Variants in CLYBL observed in about 807,000 individuals in gnomAD.
CLYBL encodes citramalyl-CoA lyase, also known as citramalyl-CoA lyase, mitochondrial.
CLYBL carries 31 observed loss-of-function variants against 38.9 expected under a neutral mutation model. That is an observed-to-expected ratio of 0.80 (90% CI 0.60 to 1.08). The LOEUF (loss-of-function observed/expected upper bound fraction) is 1.08. Ranked by LOEUF, CLYBL falls within the 50% of genes least tolerant of loss-of-function variation. CLYBL has a pLI of 0.00. For missense variants in CLYBL, 434 were observed against 411.6 expected (o/e 1.05, Z -0.47); for synonymous variants, 171 against 158.6 (o/e 1.08, Z -0.59).
intron 1 of CLYBL, among the ~76,000 whole-genome samples, chr13:99,646,441 A>C (rs1192550342): frequency 2.0e-5 from 3 of 151,152 alleles, no homozygotes; most frequent in Admixed American, 6.6e-5. Context: ...GGCATCTTGC[A>C]TTTACAATGA....
At chr13:99,759,946 CT>C (rs2049135078) in intron 1 of CLYBL, among the ~76,000 whole-genome samples, 1 of 152,148 alleles carries the variant, frequency 6.6e-6, no homozygotes, top group South Asian at 2.1e-4. Context: ...CTTTTAAATG[CT>C]TTTATTGGCT....
intron 1 of CLYBL, among the ~76,000 whole-genome samples, chr13:99,653,598 A>T (rs1046613039): frequency 7.9e-5 from 12 of 152,226 alleles, no homozygotes; most frequent in African/African-American, 2.9e-4. Flanking sequence ...TTGGAAATTC[A>T]GACACACCAC....
At chr13:99,821,032 AT>A (rs1277581843) in intron 2 of CLYBL, among the ~76,000 whole-genome samples, 1 of 152,174 alleles carries the variant, frequency 6.6e-6, no homozygotes, top group Non-Finnish European at 1.5e-5. Context: ...TAATTAGGTG[AT>A]TTGTGTTTTA....
chr13:99,675,903 G>A (rs1296215521), intron 1 of CLYBL, among the ~76,000 whole-genome samples: 2 of 152,222 alleles, frequency 1.3e-5, no homozygotes, highest in Admixed American at 6.5e-5. Context: ...AATGGAATTA[G>A]AATGCAGTAG....
intron 6 of CLYBL, among the ~76,000 whole-genome samples, chr13:99,870,529 A>G (rs548871446): frequency 6.6e-6 from 1 of 152,340 alleles, no homozygotes; most frequent in Non-Finnish European, 1.5e-5. Context: ...AAGACACCTT[A>G]TAAAATTTGA....
intron 2 of CLYBL, among the ~76,000 whole-genome samples, chr13:99,854,450 G>A (rs912283947): frequency 2.6e-5 from 4 of 151,176 alleles, no homozygotes; most frequent in South Asian, 4.2e-4. Flanking sequence ...AATTGATGCC[G>A]CTCTAATCCC....
chr13:99,747,286 A>G (rs1427589348), intron 1 of CLYBL, among the ~76,000 whole-genome samples: 10 of 127,512 alleles, frequency 7.8e-5, no homozygotes, highest in Non-Finnish European at 9.3e-5. Flanking sequence ...CCACTTTCTT[A>G]TCCACCCCGG....
intron 7 of CLYBL, among the ~76,000 whole-genome samples, chr13:99,879,899 G>GGGT (rs1161775103): frequency 6.6e-6 from 1 of 151,892 alleles, no homozygotes; most frequent in Non-Finnish European, 1.5e-5. Context: ...GTGGTCATGG[G>GGGT]GCTGGTAATA....
chr13:99,770,931 A>C (rs1282218650), intron 1 of CLYBL, among the ~76,000 whole-genome samples: 1 of 149,448 alleles, frequency 6.7e-6, no homozygotes, highest in Non-Finnish European at 1.5e-5. Flanking sequence ...CATGTTGGCC[A>C]GGATAGTCTC....
chr13:99,777,684 G>T (rs570571166), intron 2 of CLYBL, among the ~76,000 whole-genome samples: 6 of 151,656 alleles, frequency 4.0e-5, no homozygotes, highest in Non-Finnish European at 7.4e-5. Context: ...GTAGAGACGG[G>T]GTTTCATCAT....
chr13:99,753,318 G>C (rs2048991288), intron 1 of CLYBL, among the ~76,000 whole-genome samples: 1 of 152,100 alleles, frequency 6.6e-6, no homozygotes, highest in Non-Finnish European at 1.5e-5. Context: ...ATCATGATTT[G>C]ATTTGTGTTT....
intron 1 of CLYBL, among the ~76,000 whole-genome samples, chr13:99,629,993 C>T (rs566044519): frequency 3.3e-5 from 5 of 152,228 alleles, no homozygotes; most frequent in South Asian, 2.1e-4. Context: ...GTTGTGTTGT[C>T]GAAGAGGCTC....
At chr13:99,759,119 T>A (rs983355754) in intron 1 of CLYBL, among the ~76,000 whole-genome samples, 1 of 152,268 alleles carries the variant, frequency 6.6e-6, no homozygotes, top group Non-Finnish European at 1.5e-5. Flanking sequence ...ATGTAAGTGC[T>A]GCCTTGTGTG....
intron 2 of CLYBL, among the ~76,000 whole-genome samples, chr13:99,793,585 A>G (rs2049962326): frequency 6.6e-6 from 1 of 152,222 alleles, no homozygotes; most frequent in South Asian, 2.1e-4. Flanking sequence ...TAAAAAATAA[A>G]TAAAAAACAA....
intron 2 of CLYBL, among the ~76,000 whole-genome samples, chr13:99,804,591 C>T (rs2050195503): frequency 6.6e-6 from 1 of 152,134 alleles, no homozygotes; most frequent in South Asian, 2.1e-4. Flanking sequence ...CTGTAGTCTT[C>T]CTGTCTCGCC....
chr13:99,726,133 C>T (rs570211035), intron 1 of CLYBL: 1 of 151,990 alleles, frequency 6.6e-6, no homozygotes, highest in Admixed American at 6.6e-5. Flanking sequence ...AGTTTAATAG[C>T]CAATCATAAG....
rs75434702 is a variant in CLYBL at position 99,758,624 on chromosome 13, C to T, written c.63-14200C>T. ...CACCAGCAGGAAGGGAGGAGGGAGG[C>T]GTGGTAAAGCCTTCCTTCTCCGGAA... On this transcript the variant is annotated intron_variant, in intron 1 of 8. Coordinates refer to ENST00000339105, the MANE Select transcript of CLYBL (RefSeq NM_206808.5). 3.9e-3 allele frequency among the ~76,000 whole-genome samples: 601 copies of T among 152,228 alleles called. 3 individuals are homozygous for T. The highest frequency in any genetic ancestry group is 0.014 in the African/African-American group (567 of 41,530).
chr13:99,748,433 T>G (rs1304968435), intron 1 of CLYBL, among the ~76,000 whole-genome samples: 2 of 122,010 alleles, frequency 1.6e-5, no homozygotes, highest in Non-Finnish European at 3.4e-5. Context: ...TTTTGTGTTT[T>G]TTTTTTTTTT....
chr13:99,890,491 A>T (rs1186241714), intron 7 of CLYBL, among the ~76,000 whole-genome samples: 1 of 152,050 alleles, frequency 6.6e-6, no homozygotes, highest in Non-Finnish European at 1.5e-5. Context: ...TTTGAGATGG[A>T]GTCCCGCTCT....
Sources: gnomAD v4.1 joint callset for allele counts (sites outside exome capture counted in the v4.1 genomes callset) on GRCh38, gnomAD v4.1.1 for gene constraint, MANE v1.5 for transcripts, NCBI Gene and HGNC (gene_info 2026-07-23, HGNC 2026-07-21) for gene names.